CHD8: variants seen among roughly 807,000 people sequenced by gnomAD.
CHD8 encodes the protein ATP-dependent chromatin remodeler CHD8.
Under a neutral mutation model 279.2 loss-of-function variants are expected in CHD8, and 31 were observed. That is an observed-to-expected ratio of 0.11 (90% CI 0.08 to 0.15). CHD8 has a LOEUF of 0.15. CHD8 is among the 10% of genes least tolerant of loss of function. The probability of loss-of-function intolerance (pLI) is 1.00; values close to 1 mark genes in which losing one functional copy is unlikely to be tolerated. For missense variants in CHD8, 2,146 were observed against 3,230.5 expected (o/e 0.66, Z 8.14); for synonymous variants, 1,081 against 1,139.6 (o/e 0.95, Z 1.04).
rs747007913 is a variant in CHD8, at chr14:21,400,976, T to C, written c.4269A>G (p.Glu1423=). ...AGCGTGGCCGCTCATCATCCTCACT[T>C]TCCAAATCAGAGAATTCCACCAGGT... ...DDDLVEFSDL[E]SEDDERPRSR... The change falls in exon 22 of 38, where the codon GAA becomes GAG. Residue 1423 remains glutamate, a synonymous_variant. Coordinates refer to ENST00000646647, the MANE Select transcript of CHD8 (RefSeq NM_001170629.2). The surrounding 1 kb of genome is among the most constrained non-coding windows in gnomAD (Gnocchi z 4.2). The C allele has an allele frequency of 1.5e-5, 25 of 1,613,920 alleles. No individual in the cohort carries two copies. The highest frequency in any genetic ancestry group is 2.0e-5 in the Non-Finnish European group (24 of 1,179,886).
At chr14:21,395,269 G>C (rs371191190) in intron 29 of CHD8, 29 bp downstream of exon 29, 2 of 1,579,348 alleles carry the variant, frequency 1.3e-6, no homozygotes, top group South Asian at 1.1e-5. Context: ...ACCCCACACA[G>C]AATTATACTA....
At chr14:21,397,674 T>C in intron 27 of CHD8, 149 bp downstream of exon 27, 2 of 702,788 alleles carry the variant, frequency 2.8e-6, no homozygotes, top group Non-Finnish European at 4.7e-6. Flanking sequence ...TTATGCAGTT[T>C]ATGGAGTCCT....
In CHD8 at chr14:21,400,845, A is replaced by G; in HGVS notation, c.4370+30T>C. Reference sequence around the variant, plus strand: ...CTATCAGGATGGAGATGCACTATGCACTACCTCTAATGGTAAGTTGGGGTC... The same window carrying G: ...CTATCAGGATGGAGATGCACTATGCGCTACCTCTAATGGTAAGTTGGGGTC... On this transcript the variant is annotated intron_variant, in intron 22 of 37. Transcript: ENST00000646647. The surrounding 1 kb of genome is among the most constrained non-coding windows in gnomAD (Gnocchi z 4.2). 2 of 1,571,098 alleles carry G rather than the reference A, an allele frequency of 1.3e-6. No homozygotes were observed. Among genetic ancestry groups the G allele is most frequent in the Non-Finnish European group, 1.7e-6 (2 of 1,159,156 alleles).
At chr14:21,435,347 T>G (rs1176991000) in intron 1 of CHD8, among the ~76,000 whole-genome samples, 1 of 152,228 alleles carries the variant, frequency 6.6e-6, no homozygotes, top group Non-Finnish European at 1.5e-5. Flanking sequence ...TATGCCAGTA[T>G]AGCCCTTCAC....
In CHD8 at chr14:21,403,731, T is replaced by C. The variant is rs1168243310; in HGVS notation, c.3308-68A>G. 4.6e-6 allele frequency: 6 copies of C among 1,295,116 alleles called. No individual in the cohort carries two copies. Among genetic ancestry groups the C allele is most frequent in the Non-Finnish European group, 6.5e-6 (6 of 923,902 alleles). 80.2% of individuals were successfully genotyped at this position (1,295,116 alleles called of 1,614,324 possible). On this transcript the variant is annotated intron_variant, in intron 16 of 37. Coordinates refer to ENST00000646647, the MANE Select transcript of CHD8 (RefSeq NM_001170629.2). This position sits in a 1 kb window ranked among gnomAD's most constrained non-coding sequence, Gnocchi z 4.3. Reference sequence around the variant, plus strand: ...ATATTAAGGTTGTAGTCTATTTAACTAAGAAAGCAAAAGGAAAAAAATGTA... The same window carrying C: ...ATATTAAGGTTGTAGTCTATTTAACCAAGAAAGCAAAAGGAAAAAAATGTA...
Position 21,393,439 on chromosome 14 carries a change from T to C in CHD8, c.6319+37A>G, listed in dbSNP as rs1265149183. On this transcript the variant is annotated intron_variant, in intron 32 of 37. Coordinates refer to ENST00000646647, the MANE Select transcript of CHD8 (RefSeq NM_001170629.2). ...AAGGGAAAGAGAAGAGAGGGGGAAA[T>C]AGGGAAGGGGGCCAACAGCCTGTCA... 4 of 1,515,016 alleles carry C rather than the reference T, an allele frequency of 2.6e-6. No individual in the cohort carries two copies. The Admixed American group carries it at 6.6e-5, about 25-fold the overall frequency. 93.8% of individuals were successfully genotyped at this position (1,515,016 alleles called of 1,614,324 possible).
chr14:21,387,156 G>A (rs1056181608), intron 37 of CHD8, among the ~76,000 whole-genome samples: 14 of 152,182 alleles, frequency 9.2e-5, no homozygotes. Context: ...CAGGTCCCAA[G>A]AATAACGTAG....
rs1887186157 is a variant in CHD8, at chr14:21,385,562, A to C, written c.*51T>G. ...CACGTTTCCATAGTCCAAGGGCCAGAGTAAATGAAAATACAGCAGCCGCCC... is the reference window on the plus strand; with the variant it reads ...CACGTTTCCATAGTCCAAGGGCCAGCGTAAATGAAAATACAGCAGCCGCCC... On this transcript the variant is annotated 3_prime_UTR_variant, in exon 38 of 38. Coordinates refer to ENST00000646647, the MANE Select transcript of CHD8 (RefSeq NM_001170629.2). The C allele has an allele frequency of 6.6e-7, 1 of 1,515,748 alleles. No homozygotes were observed. Among genetic ancestry groups the C allele is most frequent in the East Asian group, 2.5e-5 (1 of 40,728 alleles). 93.9% of individuals were successfully genotyped at this position (1,515,748 alleles called of 1,614,324 possible).
chr14:21,447,883 G>A (rs545775856), intron 1 of CHD8, among the ~76,000 whole-genome samples: 16 of 152,020 alleles, frequency 1.1e-4, no homozygotes, highest in Non-Finnish European at 2.1e-4. Flanking sequence ...ACTGGCTCAT[G>A]GTCACTAAGG....
chr14:21,386,886 TG>T (rs1015316053), intron 37 of CHD8, among the ~76,000 whole-genome samples: 4 of 151,952 alleles, frequency 2.6e-5, no homozygotes, highest in African/African-American at 7.3e-5. Flanking sequence ...GTTGTTCACT[TG>T]TTCTTACTAT....
intron 5 of CHD8, among the ~76,000 whole-genome samples, chr14:21,421,031 G>A (rs1185573179): frequency 6.6e-6 from 1 of 152,154 alleles, no homozygotes; most frequent in Non-Finnish European, 1.5e-5. Context: ...CAAGTGCTGG[G>A]ATTACCGGCA....
chr14:21,385,993 A>G lies in CHD8; in HGVS notation c.7366T>C (p.Ser2456Pro). 6.3e-7 allele frequency: 1 copy of G among 1,584,802 alleles called. No individual in the cohort carries two copies. Among genetic ancestry groups the G allele is most frequent in the South Asian group, 1.2e-5 (1 of 86,404 alleles). ...TFQHSSSGLQ[S>P]VSSLGHSSAT... ...CTGCTGTGACCCAAAGATGACACAG[A>G]CTGTAGGCCACTACTGCTGTGTTGG... Residue 2456 changes from serine (S) to proline (P), a missense_variant, in exon 38 of 38, where the codon TCT becomes CCT. Physicochemically the swap from Ser to Pro is moderately conservative, Grantham distance 74 (BLOSUM62 -1). Coordinates refer to ENST00000646647, the MANE Select transcript of CHD8 (RefSeq NM_001170629.2).
intron 27 of CHD8, chr14:21,397,593 GAACATCAAATA>G (rs1410141654): frequency 2.1e-6 from 1 of 466,396 alleles, no homozygotes; most frequent in Non-Finnish European, 4.0e-6. Flanking sequence ...AAACCAAATA[GAACATCAAATA>G]AGCCATTTAC....
intron 1 of CHD8, among the ~76,000 whole-genome samples, chr14:21,451,151 A>T (rs961421254): frequency 2.6e-5 from 4 of 152,244 alleles, no homozygotes; most frequent in African/African-American, 9.6e-5. Context: ...CTTTCCAAAC[A>T]AACTAGTGAG....
chr14:21,418,161 A>G (rs1443159266), intron 5 of CHD8, among the ~76,000 whole-genome samples: 1 of 152,120 alleles, frequency 6.6e-6, no homozygotes, highest in East Asian at 1.9e-4. Context: ...GGCAGAAGAA[A>G]AAGAACAACA....
intron 1 of CHD8, among the ~76,000 whole-genome samples, chr14:21,450,945 T>C (rs1225647505): frequency 6.6e-6 from 1 of 152,194 alleles, no homozygotes; most frequent in African/African-American, 2.4e-5. Flanking sequence ...AATTATCTGG[T>C]AATTTCAGTA....
rs1288431813 is a variant in CHD8 at position 21,403,320 on chromosome 14, C to T, written c.3519-108G>A. On this transcript the variant is annotated intron_variant, in intron 17 of 37. Transcript: ENST00000646647. The surrounding 1 kb of genome is among the most constrained non-coding windows in gnomAD (Gnocchi z 4.3). The stretch of plus-strand genomic sequence containing the variant: ...CTCCCATATCAAAGCTGGTCAAAAA[C>T]CCAAGTTGAGAGTGAGAATCTTAAA... 1.1e-5 allele frequency: 14 copies of T among 1,315,054 alleles called. No homozygotes were observed. The highest frequency in any genetic ancestry group is 4.4e-5 in the African/African-American group (3 of 67,634). 81.5% of individuals were successfully genotyped at this position (1,315,054 alleles called of 1,614,324 possible).
intron 1 of CHD8, among the ~76,000 whole-genome samples, chr14:21,445,133 C>T (rs1890081070): frequency 6.6e-6 from 1 of 152,174 alleles, no homozygotes; most frequent in Admixed American, 6.5e-5. Flanking sequence ...CCCTCAAATC[C>T]ATCTACTTCT....
intron 8 of CHD8, 62 bp downstream of exon 8, chr14:21,414,876 A>T: frequency 7.8e-7 from 1 of 1,282,138 alleles, no homozygotes; most frequent in Non-Finnish European, 1.1e-6. Flanking sequence ...CAGGATACCC[A>T]GGAGAACTTT....
Sources: gnomAD v4.1 joint callset for allele counts (sites outside exome capture counted in the v4.1 genomes callset) on GRCh38, gnomAD v4.1.1 for gene constraint, Gnocchi (gnomAD v3.1) non-coding constraint, MANE v1.5 for transcripts, NCBI Gene and HGNC (gene_info 2026-07-23, HGNC 2026-07-21) for gene names.